Variants in MAU2 observed in about 807,000 individuals in gnomAD.
MAU2 encodes MAU2 sister chromatid cohesion factor.
In MAU2, 9 loss-of-function variants were observed where a neutral mutation model predicts 89.1. The observed-to-expected ratio is 0.10, with a 90% CI of 0.06 to 0.18. The LOEUF is 0.18. Ranked by LOEUF, MAU2 falls within the 10% of genes least tolerant of loss-of-function variation. MAU2 has a pLI of 1.00. For missense variants in MAU2, 425 were observed against 803.5 expected (o/e 0.53, Z 5.69); for synonymous variants, 357 against 343.4 (o/e 1.04, Z -0.44).
intron 1 of MAU2, among the ~76,000 whole-genome samples, chr19:19,331,287 C>T (rs966950390): frequency 6.6e-6 from 1 of 151,758 alleles, no homozygotes; most frequent in Non-Finnish European, 1.5e-5. Context: ...ATAACAAGGT[C>T]AGGAGACCGA....
intron 1 of MAU2, among the ~76,000 whole-genome samples, chr19:19,332,578 A>G (rs1351217166): frequency 1.6e-5 from 2 of 127,684 alleles, no homozygotes; most frequent in Non-Finnish European, 3.5e-5. Flanking sequence ...CGCTCCTGAC[A>G]CCCACTGACG....
intron 1 of MAU2, 23 bp downstream of exon 1, chr19:19,321,158 G>A (rs2061450345): frequency 6.4e-7 from 1 of 1,560,026 alleles, no homozygotes; most frequent in Non-Finnish European, 8.7e-7. Context: ...CGGGCCGCGA[G>A]GGAGGAGTCG....
intron 5 of MAU2, among the ~76,000 whole-genome samples, chr19:19,339,897 A>ATG (rs1568658634): frequency 3.3e-5 from 5 of 151,488 alleles, no homozygotes; most frequent in African/African-American, 1.2e-4. Flanking sequence ...GGCCGGGCGC[A>ATG]GTGGCTCACA....
At chr19:19,321,733 G>C (rs1230315517) in intron 1 of MAU2, 1 of 152,320 alleles carries the variant, frequency 6.6e-6, no homozygotes, top group Admixed American at 6.5e-5. Flanking sequence ...GGGAAGCTGA[G>C]ACCCGGAGTC....
intron 17 of MAU2, 27 bp from the exon 18 acceptor site, chr19:19,355,237 G>T: frequency 6.2e-7 from 1 of 1,613,136 alleles, no homozygotes; most frequent in East Asian, 2.2e-5. Flanking sequence ...GGCAAGGCGG[G>T]CCCCCATGCT....
chr19:19,326,690 A>G (rs2061506926), intron 1 of MAU2, among the ~76,000 whole-genome samples: 1 of 111,844 alleles, frequency 8.9e-6, no homozygotes, highest in Non-Finnish European at 1.9e-5. Context: ...TCTCAAAAAA[A>G]AATATATATA....
intron 1 of MAU2, chr19:19,334,030 G>T: frequency 4.0e-6 from 1 of 250,918 alleles, no homozygotes; most frequent in South Asian, 1.5e-4. Flanking sequence ...CTGTGTGATT[G>T]GGCATCCCTT....
At chr19:19,324,240 A>G (rs2061486721) in intron 1 of MAU2, among the ~76,000 whole-genome samples, 1 of 152,162 alleles carries the variant, frequency 6.6e-6, no homozygotes, top group Non-Finnish European at 1.5e-5. Flanking sequence ...TGTGGGAGTG[A>G]CATTTGAGCA....
chr19:19,335,796 G>A (rs930513192), intron 2 of MAU2, 61 bp downstream of exon 2: 9 of 1,584,072 alleles, frequency 5.7e-6, no homozygotes, highest in South Asian at 2.2e-5. Flanking sequence ...TAAAAAGAAT[G>A]TATCAAAGCT....
At chr19:19,328,684 G>T (rs1052104045) in intron 1 of MAU2, among the ~76,000 whole-genome samples, 1 of 152,140 alleles carries the variant, frequency 6.6e-6, no homozygotes, top group Admixed American at 6.6e-5. Flanking sequence ...GCCTCCCAAA[G>T]TGCTGGGATT....
Position 19,348,914 on chromosome 19 carries a change from A to C in MAU2, c.1334A>C (p.Asn445Thr). 1 of 1,613,684 alleles carries C rather than the reference A, an allele frequency of 6.2e-7. No homozygotes were observed. Among genetic ancestry groups the C allele is most frequent in the East Asian group, 2.2e-5 (1 of 44,854 alleles). ...CTCTACAGTCTGCTGGAGAGGATCA[A>C]CCCGGACCACAGCTTCCCTGTCAGG... ...EVLYSLLERINPDHSFPVSSH... is the reference protein window; with the variant it reads ...EVLYSLLERITPDHSFPVSSH... The change falls in exon 14 of 19, where the codon AAC (asparagine) becomes ACC (threonine). Residue 445 changes from asparagine (N) to threonine (T), a missense_variant. Physicochemically the swap from Asn to Thr is moderately conservative, Grantham distance 65. This residue lies in a region of MAU2 where 66 missense variants were observed against 129.1 expected (regional missense o/e 0.51). Transcript: ENST00000262815.
At chr19:19,325,295 C>T (rs1599886966) in intron 1 of MAU2, among the ~76,000 whole-genome samples, 1 of 152,268 alleles carries the variant, frequency 6.6e-6, no homozygotes, top group Non-Finnish European at 1.5e-5. Flanking sequence ...CCTGCCTCAG[C>T]CTCCCAAGCA....
chr19:19,326,706 A>ATATATACATACACATATATATATGTG (rs2061508744), intron 1 of MAU2, among the ~76,000 whole-genome samples: 1 of 86,986 alleles, frequency 1.1e-5, no homozygotes, highest in Non-Finnish European at 2.6e-5. Flanking sequence ...ATATATGTAT[A>ATATATACATACACATATATATATGTG]TATATATATA....
intron 1 of MAU2, among the ~76,000 whole-genome samples, chr19:19,330,715 G>C (rs1361274648): frequency 2.0e-5 from 3 of 152,122 alleles, no homozygotes; most frequent in Non-Finnish European, 4.4e-5. Flanking sequence ...ACTCCAGCCT[G>C]GGCAGCAAGA....
At chr19:19,326,363 G>A (rs546691620) in intron 1 of MAU2, among the ~76,000 whole-genome samples, 1 of 151,872 alleles carries the variant, frequency 6.6e-6, no homozygotes, top group Admixed American at 6.6e-5. Context: ...GACCGGCCTT[G>A]GCAACATAGC....
At chr19:19,321,442 C>A in intron 1 of MAU2, 1 of 327,836 alleles carries the variant, frequency 3.1e-6, no homozygotes. Context: ...GTCTGGTTTT[C>A]AGGAGGATCC....
At position 19,347,307 on chromosome 19, in the gene MAU2, T is replaced by C. The variant is rs1296763787; in HGVS notation, c.1249T>C (p.Phe417Leu). Residue 417 changes from phenylalanine to leucine, a missense_variant, in exon 13 of 19, where the codon TTC (phenylalanine) becomes CTC (leucine). Around this residue, in one of 11 missense-constraint regions of MAU2, gnomAD observed 66 missense variants for 129.1 expected, o/e 0.51. Coordinates refer to ENST00000262815, the MANE Select transcript of MAU2 (RefSeq NM_015329.4). ...CACCAACCACCAGGAGCTGTGGGCC[T>C]TCATCGTCACCAACCTGGCGAGTGT... ...RLTNHQELWA[F>L]IVTNLASVYI... 1 of 1,613,876 alleles carries C rather than the reference T, an allele frequency of 6.2e-7. No homozygotes were observed. The highest frequency in any genetic ancestry group is 8.5e-7 in the Non-Finnish European group (1 of 1,179,910).
intron 1 of MAU2, among the ~76,000 whole-genome samples, chr19:19,331,362 CGTG>C (rs2061553882): frequency 6.6e-6 from 1 of 151,896 alleles, no homozygotes; most frequent in South Asian, 2.1e-4. Flanking sequence ...ATTAGCCAGG[CGTG>C]GTGGCGGGCG....
In MAU2 at chr19:19,345,418, T is replaced by A; in HGVS notation, c.1221+49T>A. On this transcript the variant is annotated intron_variant, in intron 12 of 18. Coordinates refer to ENST00000262815, the MANE Select transcript of MAU2 (RefSeq NM_015329.4). The surrounding 1 kb of genome is among the most constrained non-coding windows in gnomAD (Gnocchi z 4.9). Reference sequence around the variant, plus strand: ...GCTCGGGGCGGGCCACACTTCTGAGTAAGGAGTCGGGCGTGGTCTGTGATG... The same window carrying A: ...GCTCGGGGCGGGCCACACTTCTGAGAAAGGAGTCGGGCGTGGTCTGTGATG... 6.3e-7 allele frequency: 1 copy of A among 1,582,914 alleles called. No individual in the cohort carries two copies. Among genetic ancestry groups the A allele is most frequent in the Non-Finnish European group, 8.7e-7 (1 of 1,155,078 alleles).
Sources: gnomAD v4.1 joint callset for allele counts (sites outside exome capture counted in the v4.1 genomes callset) on GRCh38, gnomAD v4.1.1 for gene constraint, gnomAD v4.1.1 regional missense constraint, Gnocchi (gnomAD v3.1) non-coding constraint, MANE v1.5 for transcripts, NCBI Gene and HGNC (gene_info 2026-07-23, HGNC 2026-07-21) for gene names.